ZNF692: variants seen among roughly 807,000 people sequenced by gnomAD.
The protein encoded by ZNF692 is zinc finger protein 692, also known as AICAR responsive element binding protein.
ZNF692 carries 41 observed loss-of-function variants against 49.0 expected under a neutral mutation model. The observed-to-expected ratio is 0.84, with a 90% CI of 0.65 to 1.08. The LOEUF is 1.08. ZNF692 is among the 50% of genes least tolerant of loss of function. The pLI, the probability that ZNF692 is intolerant of heterozygous loss-of-function variation, is 0.00. For synonymous variants in ZNF692, 288 were observed against 251.5 expected (o/e 1.15, Z -1.37); for missense variants, 662 against 662.2 (o/e 1.00, Z 0.00).
In ZNF692 at chr1:248,858,372, G is replaced by C; in HGVS notation, c.-12-51C>G. Reference sequence around the variant, plus strand: ...GCGCCCTGCCGATCTCGGGGGTCGGGGACCCGGCTCCACCTGCCGTTAGGG... The same window carrying C: ...GCGCCCTGCCGATCTCGGGGGTCGGCGACCCGGCTCCACCTGCCGTTAGGG... On this transcript the variant is annotated intron_variant, in intron 1 of 11. Coordinates refer to ENST00000306601, the MANE Select transcript of ZNF692 (RefSeq NM_017865.4). This position sits in a 1 kb window ranked among gnomAD's most constrained non-coding sequence, Gnocchi z 4.3. The C allele has an allele frequency of 6.6e-7, 1 of 1,522,862 alleles. No homozygotes were observed. Among genetic ancestry groups the C allele is most frequent in the South Asian group, 1.2e-5 (1 of 82,222 alleles). 94.3% of individuals were successfully genotyped at this position (1,522,862 alleles called of 1,614,324 possible). A position where few individuals can be genotyped will look rare whatever the true frequency, so the allele number is the denominator to read the frequency against.
Position 248,855,421 on chromosome 1 carries a change from G to C in ZNF692, c.997C>G (p.Pro333Ala). ...AKRELMPCDF[P>A]GCGRIFSNRQ... ...TTGGAGAAGATCCTTCCACAGCCAG[G>C]GAAGTCACAAGGCATCAGCTCTCTT... Residue 333 changes from proline (P) to alanine (A), a missense_variant, in exon 9 of 12, where the codon CCT becomes GCT. Physicochemically the swap from Pro to Ala is conservative, Grantham distance 27. Transcript: ENST00000306601. The C allele has an allele frequency of 6.2e-7, 1 of 1,614,138 alleles. No homozygotes were observed. Among genetic ancestry groups the C allele is most frequent in the African/African-American group, 1.3e-5 (1 of 75,032 alleles).
rs1189154740 is a variant in ZNF692, at chr1:248,858,299, G to A, written c.11C>T (p.Ser4Phe). Residue 4 changes from serine (S) to phenylalanine (F), a missense_variant, in exon 2 of 12, where the codon TCC (serine) becomes TTC (phenylalanine). Physicochemically the swap from Ser to Phe is radical, Grantham distance 155. Transcript: ENST00000306601. This position sits in a 1 kb window ranked among gnomAD's most constrained non-coding sequence, Gnocchi z 4.3. ...CCTGCAGGACACGTCCACCGCCGGG[G>A]AGGAAGCCATGTGCACCAGAGGCTG... is the stretch of plus-strand genomic sequence containing the variant. Reference protein sequence around the residue: MASSPAVDVSCRRR... With the variant: MASFPAVDVSCRRR... 1.3e-6 allele frequency: 2 copies of A among 1,565,878 alleles called. No individual in the cohort carries two copies. Among genetic ancestry groups the A allele is most frequent in the African/African-American group, 1.3e-5 (1 of 74,078 alleles).
chr1:248,857,062 A>C (rs1045356114), intron 4 of ZNF692, among the ~76,000 whole-genome samples, 172 bp downstream of exon 4: 3 of 152,030 alleles, frequency 2.0e-5, no homozygotes, highest in African/African-American at 7.3e-5. Context: ...CATACCATAC[A>C]CTGTATTTTG....
intron 10 of ZNF692, among the ~76,000 whole-genome samples, chr1:248,852,084 G>GT (rs1195672607): frequency 6.6e-6 from 1 of 152,200 alleles, no homozygotes; most frequent in Non-Finnish European, 1.5e-5. Flanking sequence ...CATGTGTACT[G>GT]TAAGGGCAAA....
At chr1:248,853,849 G>T in intron 10 of ZNF692, 88 bp downstream of exon 10, 1 of 988,568 alleles carries the variant, frequency 1.0e-6, no homozygotes, top group Non-Finnish European at 1.6e-6. Flanking sequence ...TAGAGGGGGA[G>T]GTGAAGAAAC....
chr1:248,856,057 C>T (rs902797200), intron 6 of ZNF692, 111 bp from the exon 7 acceptor site: 89 of 1,286,796 alleles, frequency 6.9e-5, no homozygotes, highest in Non-Finnish European at 9.2e-5. Flanking sequence ...ACAACCCTAC[C>T]CCCACCCTAG....
chr1:248,855,954 G>T lies in ZNF692; in HGVS notation c.660-8C>A. On this transcript the variant is annotated splice_polypyrimidine_tract_variant and splice_region_variant and intron_variant, in intron 6 of 11. Transcript: ENST00000306601. The stretch of plus-strand genomic sequence containing the variant: ...GGGGCATCAGGCTCACTACTGAAAG[G>T]AGAACAAAGAGGAAGATGGCATTAA... The T allele has an allele frequency of 6.2e-7, 1 of 1,612,850 alleles. No homozygotes were observed. Among genetic ancestry groups the T allele is most frequent in the South Asian group, 1.1e-5 (1 of 90,988 alleles).
At chr1:248,851,581 G>T (rs1659600263) in intron 10 of ZNF692, among the ~76,000 whole-genome samples, 1 of 147,636 alleles carries the variant, frequency 6.8e-6, no homozygotes, top group African/African-American at 2.5e-5. Flanking sequence ...TCCTCCTTTG[G>T]CCCCATCACT....
At chr1:248,855,115 G>A (rs1660072410) in intron 9 of ZNF692, among the ~76,000 whole-genome samples, 2 of 152,188 alleles carry the variant, frequency 1.3e-5, no homozygotes, top group Admixed American at 1.3e-4. Context: ...TCTGAAGCCA[G>A]GCCACCAGGC....
In ZNF692 at chr1:248,850,398, C is replaced by G. The variant is rs777231968; in HGVS notation, c.1372G>C (p.Glu458Gln). 1 of 1,614,178 alleles carries G rather than the reference C, an allele frequency of 6.2e-7. No homozygotes were observed. The highest frequency in any genetic ancestry group is 8.5e-7 in the Non-Finnish European group (1 of 1,180,030). ...TGGGCTGCAACACTGTCTGGCTTCT[C>G]AAAGCGCTTGCCGCAGAATTCACAG... is the stretch of plus-strand genomic sequence containing the variant. ...FPCEFCGKRF[E>Q]KPDSVAAHRS... Residue 458 changes from glutamate to glutamine, a missense_variant, in exon 12 of 12, where the codon GAG becomes CAG. Glu to Gln is a conservative substitution (Grantham distance 29, BLOSUM62 2). Transcript: ENST00000306601.
At position 248,858,197 on chromosome 1, in the gene ZNF692, C is replaced by T; in HGVS notation, c.113G>A (p.Trp38Ter). The change falls in exon 2 of 12, where the codon TGG becomes TAG. Residue 38 changes from tryptophan (W) to a stop codon, truncating the protein, a stop_gained. Coordinates refer to ENST00000306601, the MANE Select transcript of ZNF692 (RefSeq NM_017865.4). LOFTEE classifies it high-confidence loss of function. The surrounding 1 kb of genome is among the most constrained non-coding windows in gnomAD (Gnocchi z 4.3). ...RIRLGGHMEQ[W>*]CLLKERLGFS... ...GCCCAGCCGCTCCTTGAGGAGGCAC[C>T]ACTGCTCCATGTGGCCGCCCAGGCG... 5 of 1,591,974 alleles carry T rather than the reference C, an allele frequency of 3.1e-6. No individual in the cohort carries two copies. The highest frequency in any genetic ancestry group is 4.3e-6 in the Non-Finnish European group (5 of 1,171,256).
chr1:248,854,011 G>C lies in ZNF692; in HGVS notation c.1079C>G (p.Ser360Cys), dbSNP rs750841905. Reference sequence around the variant, plus strand: ...CTTCCCACAGGCTGGCTCTGGGCAGGAGAAAGACTTCTGGTGGATGTGCTG... The same window carrying C: ...CTTCCCACAGGCTGGCTCTGGGCAGCAGAAAGACTTCTGGTGGATGTGCTG... Reference protein sequence around the residue: ...KYQHIHQKSFSCPEPACGKSF... With the variant: ...KYQHIHQKSFCCPEPACGKSF... The change falls in exon 10 of 12, where the codon TCC becomes TGC. Residue 360 changes from serine (S) to cysteine (C), a missense_variant. Physicochemically the swap from Ser to Cys is moderately radical, Grantham distance 112. Coordinates refer to ENST00000306601, the MANE Select transcript of ZNF692 (RefSeq NM_017865.4). 2 of 1,614,212 alleles carry C rather than the reference G, an allele frequency of 1.2e-6. No homozygotes were observed. Among genetic ancestry groups the C allele is most frequent in the Non-Finnish European group, 1.7e-6 (2 of 1,180,024 alleles).
At chr1:248,855,259 C>T in intron 9 of ZNF692, 121 bp downstream of exon 9, 1 of 900,716 alleles carries the variant, frequency 1.1e-6, no homozygotes, top group Middle Eastern at 3.3e-4. Flanking sequence ...TTATACATGT[C>T]AGGTACCCTC....
In ZNF692 at chr1:248,858,501, C is replaced by T; in HGVS notation, c.-12-180G>A. On this transcript the variant is annotated intron_variant, in intron 1 of 11. Coordinates refer to ENST00000306601, the MANE Select transcript of ZNF692 (RefSeq NM_017865.4). This position sits in a 1 kb window ranked among gnomAD's most constrained non-coding sequence, Gnocchi z 4.3. ...CCTTCTATGATACAGGGTGTTGAAG[C>T]TCAGCGCTACCATGTGAGTGTCGTC... 6.4e-7 allele frequency: 1 copy of T among 1,551,734 alleles called. No individual in the cohort carries two copies. Among genetic ancestry groups the T allele is most frequent in the Non-Finnish European group, 8.7e-7 (1 of 1,146,998 alleles).
intron 3 of ZNF692, 130 bp downstream of exon 3, chr1:248,857,698 A>C: frequency 6.7e-7 from 1 of 1,493,494 alleles, no homozygotes; most frequent in Non-Finnish European, 8.9e-7. Flanking sequence ...CCATCAAACT[A>C]CCCTGTGCTC....
At chr1:248,852,899 C>T (rs375604035) in intron 10 of ZNF692, among the ~76,000 whole-genome samples, 1 of 152,228 alleles carries the variant, frequency 6.6e-6, no homozygotes, top group South Asian at 2.1e-4. Flanking sequence ...TAAACACCAC[C>T]CATATGCTCA....
chr1:248,850,755 A>G lies in ZNF692; in HGVS notation c.1180T>C (p.Cys394Arg). Residue 394 changes from cysteine (C) to arginine (R), a missense_variant, in exon 11 of 12, where the codon TGC (cysteine) becomes CGC (arginine). Transcript: ENST00000306601. ...SDTRDYICEF[C>R]ARSFRTSSNL... ...CTGCTAGTGCGGAAAGACCGGGCGC[A>G]GAACTCACAGATGTAGTCCCGGGTG... 1 of 1,614,122 alleles carries G rather than the reference A, an allele frequency of 6.2e-7. No individual in the cohort carries two copies. Among genetic ancestry groups the G allele is most frequent in the Non-Finnish European group, 8.5e-7 (1 of 1,179,992 alleles).
rs199752448 is a variant in ZNF692, at chr1:248,853,923, G to A, written c.1153+14C>T. 43 of 1,600,782 alleles carry A rather than the reference G, an allele frequency of 2.7e-5. No individual in the cohort carries two copies. Among genetic ancestry groups the A allele is most frequent in the Non-Finnish European group, 3.5e-5 (41 of 1,168,026 alleles). On this transcript the variant is annotated intron_variant, in intron 10 of 11. Transcript: ENST00000306601. ...AAAAGGTCCCACAGAGGAAGGTGGA[G>A]TTCCACCACTCACCACTGTGCAGCT...
Position 248,858,011 on chromosome 1 carries a change from G to C in ZNF692, c.179+120C>G. 1 of 1,545,594 alleles carries C rather than the reference G, an allele frequency of 6.5e-7. No individual in the cohort carries two copies. The highest frequency in any genetic ancestry group is 1.2e-5 in the South Asian group (1 of 85,188). On this transcript the variant is annotated intron_variant, in intron 2 of 11. Transcript: ENST00000306601. This position sits in a 1 kb window ranked among gnomAD's most constrained non-coding sequence, Gnocchi z 4.3. ...ACCCTCGGAGGCCACAAGTCACACA[G>C]GCCGTCCTGGTAAAGTGAGAAACCT...
Sources: allele counts gnomAD v4.1 joint callset (sites outside exome capture counted in the v4.1 genomes callset), GRCh38; gene constraint gnomAD v4.1.1; non-coding constraint Gnocchi (gnomAD v3.1); transcripts MANE v1.5; gene names NCBI Gene and HGNC (gene_info 2026-07-23, HGNC 2026-07-21).